Variants in PDXDC1 observed in about 807,000 individuals in gnomAD.
PDXDC1 encodes the protein pyridoxal-dependent decarboxylase domain-containing protein 1.
In PDXDC1, 42 loss-of-function variants were observed where a neutral mutation model predicts 100.1. That is an observed-to-expected ratio of 0.42 (90% CI 0.33 to 0.54). PDXDC1 has a LOEUF of 0.54. PDXDC1 is among the 20% of genes least tolerant of loss of function. PDXDC1 has a pLI of 0.10. For synonymous variants in PDXDC1, 260 were observed against 371.7 expected, an observed-to-expected ratio of 0.70 and a Z score of 3.46; for missense variants, 636 against 979.2, an observed-to-expected ratio of 0.65 and a Z score of 4.68.
At chr16:15,047,684 C>T in intron 16 of PDXDC1, 1 of 895,496 alleles carries the variant, frequency 1.1e-6, no homozygotes, top group Admixed American at 1.8e-5. Flanking sequence ...GGTCTGTGCT[C>T]CCCAGCCAAC....
chr16:15,131,664 C>T, intron 16 of PDXDC1: 24 of 1,574,984 alleles, frequency 1.5e-5, no homozygotes, highest in Non-Finnish European at 2.1e-5. Context: ...GCTCTGAGCG[C>T]TGTGGTGCCC....
At chr16:15,032,794 C>T in intron 17 of PDXDC1, 67 bp from the exon 18 acceptor site, 1 of 932,660 alleles carries the variant, frequency 1.1e-6, no homozygotes, top group Admixed American at 1.7e-5. Context: ...TTAGAGGTTT[C>T]TAATCCTGTA....
downstream of PDXDC1, chr16:15,038,642 G>C (rs768160179): frequency 6.2e-7 from 1 of 1,608,514 alleles, no homozygotes; most frequent in South Asian, 1.1e-5. Flanking sequence ...CAGGAGTACG[G>C]TCCTATACGA....
At chr16:15,140,502 GA>G (rs1479269991), downstream of PDXDC1, among the ~76,000 whole-genome samples, 2 of 147,976 alleles carry the variant, frequency 1.4e-5, no homozygotes, top group Non-Finnish European at 3.0e-5. Flanking sequence ...AGGGAGGAAA[GA>G]AAGAGAAAAC....
rs2048319896 is a variant in PDXDC1, at chr16:15,135,775, G to A, written c.1400-3104G>A. 2.5e-6 allele frequency: 4 copies of A among 1,594,666 alleles called. 1 individual carries two copies. Among genetic ancestry groups the A allele is most frequent in the Non-Finnish European group, 3.4e-6 (4 of 1,166,594 alleles). On this transcript the variant is annotated intron_variant, in intron 16 of 16. Transcript: ENST00000535621. ...GTGTGTCTGACCACACGCGGTATGA[G>A]CCACCCTCAGTGATGGGCACCAGGC...
At chr16:15,059,572 T>A (rs1236529640) in intron 16 of PDXDC1, among the ~76,000 whole-genome samples, 1 of 152,160 alleles carries the variant, frequency 6.6e-6, no homozygotes, top group Admixed American at 6.5e-5. Flanking sequence ...TGGCACTTGG[T>A]AAGTTGACTT....
chr16:14,978,309 A>C (rs1967161903), intron 1 of PDXDC1, among the ~76,000 whole-genome samples: 2 of 152,290 alleles, frequency 1.3e-5, no homozygotes, highest in African/African-American at 4.8e-5. Flanking sequence ...TTAATATTCA[A>C]TAAGGAAAAT....
intron 3 of PDXDC1, among the ~76,000 whole-genome samples, chr16:14,999,867 C>G (rs1238119121): frequency 1.3e-5 from 2 of 150,964 alleles, no homozygotes; most frequent in African/African-American, 4.9e-5. Context: ...TTTTTTTTTT[C>G]CTGTTATAAC....
intron 16 of PDXDC1, among the ~76,000 whole-genome samples, chr16:15,123,996 G>C (rs1328271050): frequency 6.6e-6 from 1 of 151,790 alleles, no homozygotes; most frequent in African/African-American, 2.4e-5. Flanking sequence ...CTTACTGCCC[G>C]TGTGTGTGGA....
At chr16:15,131,340 G>A (rs1392762879) in intron 16 of PDXDC1, 19 of 1,554,952 alleles carry the variant, frequency 1.2e-5, no homozygotes, top group Non-Finnish European at 1.5e-5. Flanking sequence ...TGGTGGAGAC[G>A]GTGTAGTTGC....
At chr16:15,077,526 T>C (rs2045513092) in intron 16 of PDXDC1, among the ~76,000 whole-genome samples, 1 of 152,152 alleles carries the variant, frequency 6.6e-6, no homozygotes, top group Non-Finnish European at 1.5e-5. Flanking sequence ...TCCCCAGCCA[T>C]GTGGAACTGT....
intron 13 of PDXDC1, among the ~76,000 whole-genome samples, chr16:15,023,873 C>G (rs2042386692): frequency 6.6e-6 from 1 of 152,272 alleles, no homozygotes; most frequent in African/African-American, 2.4e-5. Context: ...GACATTGAGT[C>G]ATTTTCTTTC....
At position 15,036,244 on chromosome 16, in the gene PDXDC1, C is replaced by T. The variant is rs1041155955; in HGVS notation, c.2336C>T (p.Ser779Leu). 1.2e-6 allele frequency: 2 copies of T among 1,614,028 alleles called. No individual in the cohort carries two copies. The highest frequency in any genetic ancestry group is 1.7e-5 in the Admixed American group (1 of 60,026). The change falls in exon 23 of 23, where the codon TCA becomes TTA. Residue 779 changes from serine to leucine, a missense_variant. By Grantham distance (145) the Ser-to-Leu change is moderately radical. Coordinates refer to ENST00000396410, the MANE Select transcript of PDXDC1 (RefSeq NM_015027.4). ...KGVPHPEDDH[S>L]QVEGPESLR ...GTCCCACACCCAGAAGATGACCACTCACAGGTAGAAGGACCGGAGAGCTTA... is the reference window on the plus strand; with the variant it reads ...GTCCCACACCCAGAAGATGACCACTTACAGGTAGAAGGACCGGAGAGCTTA...
intron 1 of PDXDC1, among the ~76,000 whole-genome samples, chr16:14,991,928 C>T (rs1415753644): frequency 5.6e-4 from 85 of 152,250 alleles, no homozygotes; most frequent in Admixed American, 7.9e-4. Context: ...GCATGCCTTC[C>T]TAAGGGATTT....
chr16:14,986,167 G>A (rs1185931562), intron 1 of PDXDC1, among the ~76,000 whole-genome samples: 1 of 152,232 alleles, frequency 6.6e-6, no homozygotes, highest in Non-Finnish European at 1.5e-5. Flanking sequence ...TATAAAATGA[G>A]CTAACTATTA....
chr16:15,066,937 T>A (rs1342831556), intron 16 of PDXDC1, among the ~76,000 whole-genome samples: 1 of 151,962 alleles, frequency 6.6e-6, no homozygotes, highest in African/African-American at 2.4e-5. Context: ...CTGGACCAGA[T>A]GGTTCACAAA....
chr16:15,041,684 G>A, downstream of PDXDC1: 1 of 1,602,716 alleles, frequency 6.2e-7, no homozygotes, highest in Non-Finnish European at 8.5e-7. Context: ...CACCTATGAT[G>A]AGAATTTTAA....
chr16:15,069,308 G>GCATC (rs2045120454), intron 16 of PDXDC1, among the ~76,000 whole-genome samples: 1 of 152,168 alleles, frequency 6.6e-6, no homozygotes, highest in Non-Finnish European at 1.5e-5. Context: ...CGACGATGAA[G>GCATC]GATGATGCAG....
intron 16 of PDXDC1, among the ~76,000 whole-genome samples, chr16:15,075,222 G>A (rs1289506573): frequency 6.6e-6 from 1 of 150,420 alleles, no homozygotes; most frequent in Non-Finnish European, 1.5e-5. Context: ...CTCCAGCCTG[G>A]GCAACAGAGG....
Sources: allele counts gnomAD v4.1 joint callset (sites outside exome capture counted in the v4.1 genomes callset), GRCh38; gene constraint gnomAD v4.1.1; transcripts MANE v1.5; gene names NCBI Gene and HGNC (gene_info 2026-07-23, HGNC 2026-07-21).